GULP1: variants seen among roughly 807,000 people sequenced by gnomAD.
GULP1 encodes the protein GULP PTB domain containing engulfment adaptor 1, also known as PTB domain-containing engulfment adapter protein 1.
Under a neutral mutation model 40.9 loss-of-function variants are expected in GULP1, and 19 were observed. The ratio of observed to expected loss-of-function variants is 0.46; its 90% CI spans 0.32 to 0.68. The LOEUF is 0.68. Among genes scored for constraint, GULP1 ranks in the 30% least tolerant of loss-of-function variants. The pLI is 0.03. For synonymous variants in GULP1, 119 were observed against 117.6 expected (o/e 1.01, Z -0.08); for missense variants, 312 against 362.2 (o/e 0.86, Z 1.12).
chr2:188,440,868 C>A (rs1336903153), intron 2 of GULP1, among the ~76,000 whole-genome samples: 2 of 152,116 alleles, frequency 1.3e-5, no homozygotes, highest in Non-Finnish European at 2.9e-5. Context: ...AATTTTATTT[C>A]TGTCAATATC....
chr2:188,351,589 G>A (rs1436380773), intron 1 of GULP1, among the ~76,000 whole-genome samples: 1 of 151,998 alleles, frequency 6.6e-6, no homozygotes. Flanking sequence ...CATTCTAGAG[G>A]TTATAGCCAA....
intron 7 of GULP1, chr2:188,542,177 T>C (rs1575925616): frequency 6.6e-6 from 1 of 151,946 alleles, no homozygotes; most frequent in East Asian, 1.9e-4. Context: ...CTATGTTAAA[T>C]CCTGTAGCAG....
At chr2:188,445,012 G>C (rs186131485) in intron 2 of GULP1, among the ~76,000 whole-genome samples, 170 of 152,140 alleles carry the variant, frequency 1.1e-3, no homozygotes, top group African/African-American at 4.0e-3. Context: ...CTAATTTTCT[G>C]CCAAATTTAT....
chr2:188,513,532 A>C (rs997504285), intron 4 of GULP1, among the ~76,000 whole-genome samples: 1 of 152,204 alleles, frequency 6.6e-6, no homozygotes, highest in African/African-American at 2.4e-5. Context: ...TGAAAAGATA[A>C]TGTGCAATAT....
chr2:188,405,119 A>G (rs2052885358), intron 2 of GULP1, among the ~76,000 whole-genome samples: 2 of 152,084 alleles, frequency 1.3e-5, no homozygotes, highest in African/African-American at 4.8e-5. Context: ...AACTGCTCCC[A>G]TGCGAGGTTT....
intron 2 of GULP1, among the ~76,000 whole-genome samples, chr2:188,437,126 C>T (rs72911439): frequency 0.012 from 1,853 of 152,178 alleles, 16 homozygotes; most frequent in East Asian, 0.022. Context: ...ATGCTAATAT[C>T]TGTTTACTGA....
chr2:188,542,326 A>G (rs907150302), intron 7 of GULP1, among the ~76,000 whole-genome samples: 6 of 152,172 alleles, frequency 3.9e-5, no homozygotes, highest in South Asian at 4.1e-4. Flanking sequence ...GCTGTCAAAA[A>G]TAACAGATAG....
Position 188,594,211 on chromosome 2 carries a change from G to T in GULP1, c.*200G>T. On this transcript the variant is annotated 3_prime_UTR_variant, in exon 12 of 12. Coordinates refer to ENST00000409830, the MANE Select transcript of GULP1 (RefSeq NM_016315.4). Reference sequence around the variant, plus strand: ...TTTAAAAACAGCTTACTGTAAAGTAGATCATACTTTTATGTTCCTTTCTGT... The same window carrying T: ...TTTAAAAACAGCTTACTGTAAAGTATATCATACTTTTATGTTCCTTTCTGT... The T allele has an allele frequency of 2.5e-6, 1 of 392,402 alleles. No individual in the cohort carries two copies. 24.3% of individuals were successfully genotyped at this position (392,402 alleles called of 1,614,324 possible). A position where few individuals can be genotyped will look rare whatever the true frequency, so the allele number is the denominator to read the frequency against.
chr2:188,586,828 G>GGCAGA (rs1203500845), intron 10 of GULP1, among the ~76,000 whole-genome samples: 1 of 152,052 alleles, frequency 6.6e-6, no homozygotes, highest in Non-Finnish European at 1.5e-5. Context: ...AGTGATTTTA[G>GGCAGA]AGGATATGGC....
chr2:188,400,621 A>G (rs560218100), intron 2 of GULP1, among the ~76,000 whole-genome samples: 45 of 152,330 alleles, frequency 3.0e-4, no homozygotes, highest in South Asian at 6.2e-4. Flanking sequence ...GTGTTTTACA[A>G]AGATCATATT....
chr2:188,513,319 A>C (rs1294343086), intron 4 of GULP1, among the ~76,000 whole-genome samples: 3 of 152,084 alleles, frequency 2.0e-5, no homozygotes, highest in Non-Finnish European at 4.4e-5. Context: ...TAAATTTCCC[A>C]TCTGTGTTTT....
intron 6 of GULP1, among the ~76,000 whole-genome samples, chr2:188,534,330 C>T (rs991278187): frequency 9.2e-5 from 13 of 140,630 alleles, no homozygotes; most frequent in Non-Finnish European, 1.5e-4. Flanking sequence ...AAATTGTGTC[C>T]TTTTGCAGCA....
chr2:188,376,129 G>A (rs1340298181), intron 1 of GULP1, among the ~76,000 whole-genome samples: 3 of 152,024 alleles, frequency 2.0e-5, no homozygotes, highest in African/African-American at 7.2e-5. Context: ...GACCCATGCA[G>A]TCCAACCTGT....
chr2:188,400,762 A>G (rs1345253005), intron 2 of GULP1, among the ~76,000 whole-genome samples: 2 of 152,210 alleles, frequency 1.3e-5, no homozygotes, highest in Non-Finnish European at 2.9e-5. Context: ...ATGAAGAACA[A>G]TAAATTCAAT....
chr2:188,322,946 C>T (rs7571197), intron 1 of GULP1, among the ~76,000 whole-genome samples: 23,020 of 152,050 alleles, frequency 0.15, 1,894 homozygotes, highest in African/African-American at 0.17. Flanking sequence ...ACCTCTTTAT[C>T]TTTACCCTCT....
At chr2:188,345,778 A>C (rs957032487) in intron 1 of GULP1, among the ~76,000 whole-genome samples, 4 of 152,238 alleles carry the variant, frequency 2.6e-5, no homozygotes, top group Non-Finnish European at 5.9e-5. Flanking sequence ...AAAGAGGGGT[A>C]GAAGTTTAGA....
chr2:188,471,101 T>C (rs921210415), intron 2 of GULP1, among the ~76,000 whole-genome samples: 3 of 152,220 alleles, frequency 2.0e-5, no homozygotes, highest in African/African-American at 7.2e-5. Flanking sequence ...CATTATTATA[T>C]AGTGACCTTC....
chr2:188,579,003 G>A (rs769114455), intron 9 of GULP1, among the ~76,000 whole-genome samples: 1 of 152,074 alleles, frequency 6.6e-6, no homozygotes, highest in African/African-American at 2.4e-5. Flanking sequence ...ACATCCGCAC[G>A]TTCATATCCT....
At chr2:188,315,282 ATTAG>A (rs1177726313) in intron 1 of GULP1, among the ~76,000 whole-genome samples, 1 of 152,124 alleles carries the variant, frequency 6.6e-6, no homozygotes, top group Admixed American at 6.6e-5. Context: ...GTTCTTTTAT[ATTAG>A]TTATTGTTAA....
Sources: gnomAD v4.1 joint callset for allele counts (sites outside exome capture counted in the v4.1 genomes callset) on GRCh38, gnomAD v4.1.1 for gene constraint, MANE v1.5 for transcripts, NCBI Gene and HGNC (gene_info 2026-07-23, HGNC 2026-07-21) for gene names.